The following ANK2 variants were observed in gnomAD, a reference collection of about 807,000 sequenced individuals.
The protein encoded by ANK2 is ankyrin-2.
A neutral mutation model predicts 360.5 loss-of-function variants in ANK2; 83 were observed. The ratio of observed to expected loss-of-function variants is 0.23; its 90% CI spans 0.19 to 0.28. The LOEUF (loss-of-function observed/expected upper bound fraction) is 0.28. Among genes scored for constraint, ANK2 ranks in the 10% least tolerant of loss-of-function variants. ANK2 has a pLI of 1.00. For synonymous variants in ANK2, 1,740 were observed against 1,759.5 expected, an observed-to-expected ratio of 0.99 and a Z score of 0.28; for missense variants, 4,201 against 4,795.7, an observed-to-expected ratio of 0.88 and a Z score of 3.66.
intron 1 of ANK2, among the ~76,000 whole-genome samples, chr4:113,105,989 G>T (rs1169048868): frequency 6.6e-6 from 1 of 152,130 alleles, no homozygotes; most frequent in Non-Finnish European, 1.5e-5. Context: ...TTTTGCTAAT[G>T]CTTAAATTTT....
In ANK2 at chr4:113,339,563, C is replaced by T. The variant is rs114012756; in HGVS notation, c.3893+241C>T. ...GGAAAAGGAGCGATTGTCTGCTTTG[C>T]CTGTATGATTCTGACTTAGTCAGTA... is the stretch of plus-strand genomic sequence containing the variant. On this transcript the variant is annotated intron_variant, in intron 32 of 45. Coordinates refer to ENST00000357077, the MANE Select transcript of ANK2 (RefSeq NM_001148.6). Among the ~76,000 whole-genome samples, 285 of 152,302 alleles carry T rather than the reference C, an allele frequency of 1.9e-3. 1 individual carries two copies. The highest frequency in any genetic ancestry group is 6.3e-3 in the African/African-American group (260 of 41,558).
At position 113,354,416 on chromosome 4, in the gene ANK2, C is replaced by G; in HGVS notation, c.5798C>G (p.Thr1933Arg). 2 of 1,614,072 alleles carry G rather than the reference C, an allele frequency of 1.2e-6. No individual in the cohort carries two copies. The highest frequency in any genetic ancestry group is 1.7e-6 in the Non-Finnish European group (2 of 1,179,986). The part of the protein sequence containing the change: ...EKHPPVSPGR[T>R]EKRLPVSPSG... The stretch of plus-strand genomic sequence containing the variant: ...CACCCGCCAGTATCGCCTGGGAGAA[C>G]AGAAAAACGCTTGCCTGTTTCACCC... The change falls in exon 38 of 46, where the codon ACA becomes AGA. Residue 1933 changes from threonine to arginine, a missense_variant. Transcript: ENST00000357077.
chr4:113,126,394 C>T (rs1459235806), intron 1 of ANK2, among the ~76,000 whole-genome samples: 1 of 152,160 alleles, frequency 6.6e-6, no homozygotes, highest in Admixed American at 6.5e-5. Context: ...TACAAACTTC[C>T]TTATTTATGG....
chr4:113,230,106 T>A (rs767694882), intron 4 of ANK2, among the ~76,000 whole-genome samples: 160 of 152,240 alleles, frequency 1.1e-3, no homozygotes, highest in Non-Finnish European at 1.9e-3. Flanking sequence ...TGTGTTTTTT[T>A]AAAAAATATG....
At position 113,359,318 on chromosome 4, in the gene ANK2, G is replaced by C; in HGVS notation, c.10681+19G>C. ...GCTGAAGGTATTTGCCAGCCACCGG[G>C]ATTCCCTGTGCTACGCATGTCATAA... On this transcript the variant is annotated intron_variant, in intron 38 of 45. Coordinates refer to ENST00000357077, the MANE Select transcript of ANK2 (RefSeq NM_001148.6). 6.2e-7 allele frequency: 1 copy of C among 1,612,792 alleles called. No homozygotes were observed. The highest frequency in any genetic ancestry group is 1.1e-5 in the South Asian group (1 of 91,066).
the ANK2 span, among the ~76,000 whole-genome samples, chr4:112,722,312 G>C: frequency 6.6e-6 from 1 of 152,150 alleles, no homozygotes; most frequent in Non-Finnish European, 1.5e-5. Context: ...CTGTGCTCCA[G>C]AGTCACAGCT....
intron 2 of ANK2, among the ~76,000 whole-genome samples, chr4:112,915,195 T>A (rs1462552306): frequency 6.6e-6 from 1 of 152,184 alleles, no homozygotes; most frequent in Non-Finnish European, 1.5e-5. Flanking sequence ...GCTTACATAT[T>A]TTTTAGAGCA....
chr4:112,945,063 C>T (rs1236957312), intron 2 of ANK2, among the ~76,000 whole-genome samples: 1 of 152,218 alleles, frequency 6.6e-6, no homozygotes, highest in Non-Finnish European at 1.5e-5. Flanking sequence ...CTTACAATCA[C>T]AAAGGTGTAT....
At chr4:112,754,148 T>TATATATATAA in the ANK2 span, among the ~76,000 whole-genome samples, 6 of 119,718 alleles carry the variant, frequency 5.0e-5, no homozygotes, top group African/African-American at 1.9e-4. Flanking sequence ...TATATATATA[T>TATATATATAA]AAAATTGCAT....
rs34667216 is a variant in ANK2, at chr4:113,149,874, C to CAAAAAAAA, written c.85-24523_85-24516dup. On this transcript the variant is annotated intron_variant, in intron 1 of 45. Transcript: ENST00000357077. Reference sequence around the variant, plus strand: ...CTTGCGTGAGAGTGAGACCCTGCCTCAAAAAAAAAAAAAAAAAAAAAAAAA... The same window carrying CAAAAAAAA: ...CTTGCGTGAGAGTGAGACCCTGCCTCAAAAAAAAAAAAAAAAAAAAAAAAAAAAAAAAA... Among the ~76,000 whole-genome samples, 116 of 31,364 alleles carry CAAAAAAAA rather than the reference C, an allele frequency of 3.7e-3. 8 individuals carry two copies. The highest frequency in any genetic ancestry group is 8.3e-3 in the African/African-American group (65 of 7,790). The allele number at this position is 31,364 out of a possible 152,430, so 20.6% of individuals were successfully genotyped here. A position where few individuals can be genotyped will look rare whatever the true frequency, so the allele number is the denominator to read the frequency against.
intron 1 of ANK2, among the ~76,000 whole-genome samples, chr4:112,836,128 G>C (rs1398293433): frequency 3.3e-5 from 5 of 152,130 alleles, no homozygotes; most frequent in African/African-American, 1.2e-4. Context: ...GGAGGGACCT[G>C]ATGAGAGGTA....
At chr4:113,210,915 A>G (rs901805159) in intron 4 of ANK2, among the ~76,000 whole-genome samples, 3 of 152,198 alleles carry the variant, frequency 2.0e-5, no homozygotes, top group Non-Finnish European at 4.4e-5. Flanking sequence ...TCTTAGGAAT[A>G]AGAGGACAAG....
At chr4:112,912,101 C>G (rs1009814125) in intron 2 of ANK2, among the ~76,000 whole-genome samples, 1 of 152,020 alleles carries the variant, frequency 6.6e-6, no homozygotes, top group East Asian at 1.9e-4. Context: ...GGTGTGGACC[C>G]CGGAGGTGGA....
intron 1 of ANK2, among the ~76,000 whole-genome samples, chr4:113,056,563 A>T (rs991618002): frequency 2.3e-4 from 35 of 152,186 alleles, no homozygotes; most frequent in African/African-American, 7.2e-4. Context: ...GGTCGGATAC[A>T]TCACAACAAA....
intron 2 of ANK2, among the ~76,000 whole-genome samples, chr4:112,973,593 A>G (rs1220454204): frequency 6.6e-6 from 1 of 152,194 alleles, no homozygotes; most frequent in Non-Finnish European, 1.5e-5. Flanking sequence ...CTCAGATGCT[A>G]TCCTCTGCCT....
intron 26 of ANK2, among the ~76,000 whole-genome samples, chr4:113,327,222 C>A (rs148189674): frequency 6.6e-6 from 1 of 152,210 alleles, no homozygotes; most frequent in East Asian, 1.9e-4. Context: ...ATTTTAACTT[C>A]TATTAAAATG....
In ANK2 at chr4:113,236,843, T is replaced by G. The variant is rs1265847666; in HGVS notation, c.484-144T>G. 4 of 835,906 alleles carry G rather than the reference T, an allele frequency of 4.8e-6. No individual in the cohort carries two copies. In the Admixed American group the frequency reaches 8.1e-5, roughly 17 times the overall value. 51.8% of individuals were successfully genotyped at this position (835,906 alleles called of 1,614,324 possible). ...CCATAATATGATGGATAACTGGTTA[T>G]AATCTGCTTCTAATCTTCCCAGTAA... On this transcript the variant is annotated intron_variant, in intron 5 of 45. Transcript: ENST00000357077.
At chr4:112,763,710 T>A in the ANK2 span, among the ~76,000 whole-genome samples, 1 of 148,952 alleles carries the variant, frequency 6.7e-6, no homozygotes, top group East Asian at 2.0e-4. Flanking sequence ...TTTTTTGTAT[T>A]TTTAGTAGAG....
the ANK2 span, among the ~76,000 whole-genome samples, chr4:112,791,374 G>A: frequency 2.6e-5 from 4 of 151,932 alleles, no homozygotes; most frequent in Admixed American, 6.6e-5. Context: ...GTACATATTC[G>A]TAAAAAGGTT....
Sources: gnomAD v4.1 joint callset for allele counts (sites outside exome capture counted in the v4.1 genomes callset) on GRCh38, gnomAD v4.1.1 for gene constraint, MANE v1.5 for transcripts, NCBI Gene and HGNC (gene_info 2026-07-23, HGNC 2026-07-21) for gene names.